Variants in NCOR2 observed in about 807,000 individuals in gnomAD.
NCOR2 encodes the protein nuclear receptor corepressor 2.
In NCOR2, 81 loss-of-function variants were observed where a neutral mutation model predicts 262.9. That is an observed-to-expected ratio of 0.31 (90% CI 0.26 to 0.37). NCOR2 has a LOEUF of 0.37. Among genes scored for constraint, NCOR2 ranks in the 10% least tolerant of loss-of-function variants. NCOR2 has a pLI of 1.00. For synonymous variants in NCOR2, 1,659 were observed against 1,559.3 expected (o/e 1.06, Z -1.51); for missense variants, 3,385 against 3,621.4 (o/e 0.93, Z 1.68).
At chr12:124,480,173 C>T (rs999199381) in intron 3 of NCOR2, among the ~76,000 whole-genome samples, 3 of 152,224 alleles carry the variant, frequency 2.0e-5, no homozygotes, top group Admixed American at 6.5e-5. Context: ...CTTCCCTCCC[C>T]GGGGCTGTCT....
intron 13 of NCOR2, among the ~76,000 whole-genome samples, chr12:124,411,867 G>A (rs1238698163): frequency 6.6e-6 from 1 of 152,208 alleles, no homozygotes; most frequent in Non-Finnish European, 1.5e-5. Flanking sequence ...GGTTCCGGGA[G>A]GTGGGGGCTC....
chr12:124,518,657 G>C (rs559347719), intron 1 of NCOR2, among the ~76,000 whole-genome samples: 1 of 152,412 alleles, frequency 6.6e-6, no homozygotes, highest in African/African-American at 2.4e-5. Context: ...TTGGCAGTAA[G>C]TAATAATTCC....
At chr12:124,555,613 G>GC (rs2051857332) in intron 1 of NCOR2, among the ~76,000 whole-genome samples, 1 of 152,180 alleles carries the variant, frequency 6.6e-6, no homozygotes, top group African/African-American at 2.4e-5. Context: ...ACGCAGAGGG[G>GC]CCCCCCACCA....
chr12:124,360,387 C>T (rs1431096421), intron 22 of NCOR2, among the ~76,000 whole-genome samples: 2 of 152,246 alleles, frequency 1.3e-5, no homozygotes, highest in African/African-American at 4.8e-5. Context: ...CCCTTCCTTC[C>T]ACCTCCACGG....
At chr12:124,327,994 A>G (rs1398080193) in intron 44 of NCOR2, among the ~76,000 whole-genome samples, 1 of 150,728 alleles carries the variant, frequency 6.6e-6, no homozygotes, top group Non-Finnish European at 1.5e-5. Flanking sequence ...TGCACCTCCA[A>G]TCCTAGCTGG....
chr12:124,479,746 G>T (rs1427966534), intron 3 of NCOR2, among the ~76,000 whole-genome samples: 1 of 152,252 alleles, frequency 6.6e-6, no homozygotes. Context: ...GCTAATGGGG[G>T]ATGCCAGGCA....
intron 7 of NCOR2, among the ~76,000 whole-genome samples, chr12:124,445,593 C>T (rs998616234): frequency 6.6e-6 from 1 of 152,170 alleles, no homozygotes; most frequent in Non-Finnish European, 1.5e-5. Flanking sequence ...ATGACAGCAG[C>T]GGGGGCGAGG....
At chr12:124,372,870 A>C in intron 19 of NCOR2, among the ~76,000 whole-genome samples, 1 of 151,934 alleles carries the variant, frequency 6.6e-6, no homozygotes, top group Non-Finnish European at 1.5e-5. Context: ...GTTAATTCCC[A>C]ACCCCAGGAC....
chr12:124,460,430 A>G (rs2046105344), intron 5 of NCOR2, among the ~76,000 whole-genome samples: 1 of 152,166 alleles, frequency 6.6e-6, no homozygotes, highest in Non-Finnish European at 1.5e-5. Context: ...GGACCAGAAG[A>G]GGCCAGCGCT....
intron 44 of NCOR2, among the ~76,000 whole-genome samples, chr12:124,328,067 G>C (rs2034843169): frequency 1.3e-5 from 2 of 152,090 alleles, no homozygotes. Flanking sequence ...TGGGAGATGG[G>C]AGGGCTACCC....
chr12:124,564,520 ACCCCAC>A lies in NCOR2; in HGVS notation c.-165+2782_-165+2787del, dbSNP rs1420351364. 9.3e-5 allele frequency among the ~76,000 whole-genome samples: 5 copies of A among 53,724 alleles called. No homozygotes were observed. The East Asian group carries it at 1.7e-3, about 18-fold the overall frequency. The allele number at this position is 53,724 out of a possible 152,430, so 35.2% of individuals were successfully genotyped here. A position where few individuals can be genotyped will look rare whatever the true frequency, so the allele number is the denominator to read the frequency against. ...CAAATAAAAGCTCTCAACCCCCGCCACCCCACCCCCACCCCCACCCCCGGCCCACGG... is the reference window on the plus strand; with the variant it reads ...CAAATAAAAGCTCTCAACCCCCGCCACCCCACCCCCACCCCCGGCCCACGG... On this transcript the variant is annotated intron_variant, in intron 1 of 32. Transcript: ENST00000458234.
chr12:124,545,803 G>A (rs1328220182), intron 1 of NCOR2, among the ~76,000 whole-genome samples: 1 of 152,144 alleles, frequency 6.6e-6, no homozygotes, highest in Admixed American at 6.5e-5. Context: ...GTGAGGGTGG[G>A]GGTGGGGGAC....
In NCOR2 at chr12:124,382,760, C is replaced by T. The variant is rs150559153; in HGVS notation, c.2019+2985G>A. Among the ~76,000 whole-genome samples, 247 of 152,372 alleles carry T rather than the reference C, an allele frequency of 1.6e-3. 1 individual carries two copies. The highest frequency in any genetic ancestry group is 5.7e-3 in the African/African-American group (236 of 41,588). The stretch of plus-strand genomic sequence containing the variant: ...GATACAGCAGGCGCTGAATATGGGG[C>T]TGCTGAATGGACAGTGAGGATAATA... On this transcript the variant is annotated intron_variant, in intron 17 of 46. Transcript: ENST00000405201.
exon 28 of NCOR2, chr12:124,350,638 T>G (rs750445664): frequency 6.2e-7 from 1 of 1,613,988 alleles, no homozygotes; most frequent in Non-Finnish European, 8.5e-7. Context: ...ACGTGGCCCT[T>G]GGGCAGGCTG....
At position 124,457,938 on chromosome 12, in the gene NCOR2, C is replaced by T. The variant is rs1033716322; in HGVS notation, c.706-776G>A. Among the ~76,000 whole-genome samples, 2 of 152,032 alleles carry T rather than the reference C, an allele frequency of 1.3e-5. No individual in the cohort carries two copies. Among genetic ancestry groups the T allele is most frequent in the African/African-American group, 4.8e-5 (2 of 41,378 alleles). ...CAGCCGGGTACAGGGAGGTGGGGGG[C>T]GGAGGGGCTCCTGAAGGTGGCTTCA... On this transcript the variant is annotated intron_variant, in intron 5 of 46. Transcript: ENST00000405201. This position sits in a 1 kb window ranked among gnomAD's most constrained non-coding sequence, Gnocchi z 4.0.
rs2045708770 is a variant in NCOR2 at position 124,454,141 on chromosome 12, G to A, written c.762+2965C>T. Reference sequence around the variant, plus strand: ...GGCCTGGCAGATCTGTGCAGAACTGGCCGGCCGCTCTCCCAGGGGCTCAGC... The same window carrying A: ...GGCCTGGCAGATCTGTGCAGAACTGACCGGCCGCTCTCCCAGGGGCTCAGC... On this transcript the variant is annotated intron_variant, in intron 6 of 46. Transcript: ENST00000405201. The surrounding 1 kb of genome is among the most constrained non-coding windows in gnomAD (Gnocchi z 5.6). Among the ~76,000 whole-genome samples the A allele has an allele frequency of 6.6e-6, 1 of 152,116 alleles. No homozygotes were observed. Among genetic ancestry groups the A allele is most frequent in the South Asian group, 2.1e-4 (1 of 4,824 alleles).
At chr12:124,339,893 G>GGCCCCCCCCCCA in intron 37 of NCOR2, 113 bp downstream of exon 39, 2 of 566,002 alleles carry the variant, frequency 3.5e-6, no homozygotes, top group Non-Finnish European at 3.0e-6. Flanking sequence ...CCACACATCT[G>GGCCCCCCCCCCA]CCCACCCACC....
At chr12:124,467,347 T>C (rs1161306731) in intron 4 of NCOR2, among the ~76,000 whole-genome samples, 1 of 8,280 alleles carries the variant, frequency 1.2e-4, no homozygotes, top group Non-Finnish European at 2.2e-4. Context: ...CACCCCATCA[T>C]CCTCATTCTC....
At chr12:124,532,779 C>T (rs2050881936) in intron 1 of NCOR2, among the ~76,000 whole-genome samples, 2 of 152,132 alleles carry the variant, frequency 1.3e-5, no homozygotes, top group Non-Finnish European at 2.9e-5. Context: ...GACCAGGCCG[C>T]TTTCCTTCCA....
Sources: gnomAD v4.1 joint callset for allele counts (sites outside exome capture counted in the v4.1 genomes callset) on GRCh38, gnomAD v4.1.1 for gene constraint, Gnocchi (gnomAD v3.1) non-coding constraint, MANE v1.5 for transcripts, NCBI Gene and HGNC (gene_info 2026-07-23, HGNC 2026-07-21) for gene names.